The following CILK1 variants were observed in gnomAD, a reference collection of about 807,000 sequenced individuals.
CILK1 encodes ciliogenesis associated kinase 1.
A neutral mutation model predicts 79.2 loss-of-function variants in CILK1; 47 were observed. That is an observed-to-expected ratio of 0.59 (90% CI 0.47 to 0.76). The LOEUF (loss-of-function observed/expected upper bound fraction) is 0.76. Among genes scored for constraint, CILK1 ranks in the 30% least tolerant of loss-of-function variants. The pLI is 0.00. For synonymous variants in CILK1, 266 were observed against 275.9 expected (o/e 0.96, Z 0.36); for missense variants, 660 against 769.5 (o/e 0.86, Z 1.68).
rs1336600593 is a variant in CILK1, at chr6:53,051,211, CTTG to C, written c.-172-9806_-172-9804del. Among the ~76,000 whole-genome samples the C allele has an allele frequency of 2.0e-5, 3 of 152,182 alleles. No individual in the cohort carries two copies. The East Asian group carries it at 5.8e-4, about 29-fold the overall frequency. On this transcript the variant is annotated intron_variant, in intron 1 of 13. Transcript: ENST00000676107. ...AATTTCTAAACTACAGCTAATTTTT[CTTG>C]TTAAGGACATGTCACTTATCCATAT...
At chr6:53,020,482 C>T (rs529864923) in intron 5 of CILK1, among the ~76,000 whole-genome samples, 112 of 152,298 alleles carry the variant, frequency 7.4e-4, no homozygotes, top group African/African-American at 2.6e-3. Context: ...TCTGAAAATT[C>T]AAAATCTGAG....
chr6:53,012,793 A>G (rs536079403), intron 9 of CILK1, among the ~76,000 whole-genome samples: 57 of 152,312 alleles, frequency 3.7e-4, no homozygotes, highest in Admixed American at 1.8e-3. Context: ...GTTGGGAGCC[A>G]GCAGTCAGCA....
intron 11 of CILK1, among the ~76,000 whole-genome samples, chr6:53,011,061 A>G (rs768667324): frequency 5.3e-5 from 8 of 152,198 alleles, no homozygotes; most frequent in Admixed American, 2.0e-4. Context: ...GAATATAGAA[A>G]ATCAGGAGAG....
At chr6:53,028,321 T>C (rs1765711226) in intron 5 of CILK1, among the ~76,000 whole-genome samples, 1 of 152,116 alleles carries the variant, frequency 6.6e-6, no homozygotes, top group South Asian at 2.1e-4. Context: ...AATTAGTCTC[T>C]ATACCACTTA....
At chr6:53,045,762 T>C (rs1358793531) in intron 1 of CILK1, among the ~76,000 whole-genome samples, 2 of 112,812 alleles carry the variant, frequency 1.8e-5, no homozygotes, top group Non-Finnish European at 3.4e-5. Context: ...AAATTAAGAC[T>C]CCCAAACCAT....
intron 1 of CILK1, among the ~76,000 whole-genome samples, chr6:53,042,689 T>A (rs988801617): frequency 6.6e-6 from 1 of 152,226 alleles, no homozygotes; most frequent in South Asian, 2.1e-4. Context: ...GTAAAGTGAC[T>A]AGTATTCCTA....
chr6:53,009,722 T>G (rs1294581615), intron 11 of CILK1, among the ~76,000 whole-genome samples, 155 bp from the exon 12 acceptor site: 1 of 152,244 alleles, frequency 6.6e-6, no homozygotes, highest in Non-Finnish European at 1.5e-5. Context: ...ATCTGACAGA[T>G]GTCCGAGGAA....
At chr6:53,044,555 C>T (rs1379690118) in intron 1 of CILK1, among the ~76,000 whole-genome samples, 2 of 152,046 alleles carry the variant, frequency 1.3e-5, no homozygotes, top group Non-Finnish European at 2.9e-5. Flanking sequence ...GTGGGTAGAA[C>T]AAAAATTTTG....
At chr6:53,032,465 A>C in intron 4 of CILK1, 68 bp downstream of exon 4, 1 of 1,078,606 alleles carries the variant, frequency 9.3e-7, no homozygotes, top group Non-Finnish European at 1.2e-6. Flanking sequence ...AAAACACAAA[A>C]GCAGAAAGAA....
At chr6:53,043,915 T>C (rs1581749501) in intron 1 of CILK1, among the ~76,000 whole-genome samples, 4 of 151,882 alleles carry the variant, frequency 2.6e-5, no homozygotes, top group African/African-American at 9.7e-5. Context: ...CATAAAAGAT[T>C]GTCTTAAAAA....
At chr6:53,059,689 G>A (rs1768253403) in intron 1 of CILK1, among the ~76,000 whole-genome samples, 1 of 152,186 alleles carries the variant, frequency 6.6e-6, no homozygotes, top group Non-Finnish European at 1.5e-5. Flanking sequence ...ATTTTAGATA[G>A]GAAGGGAAAG....
intron 5 of CILK1, among the ~76,000 whole-genome samples, chr6:53,025,615 TGGG>T (rs1429311410): frequency 1.3e-5 from 2 of 152,212 alleles, no homozygotes; most frequent in Non-Finnish European, 2.9e-5. Context: ...TCTCTTTTTA[TGGG>T]CCCTACTTCA....
At chr6:53,027,507 C>A (rs954884144) in intron 5 of CILK1, among the ~76,000 whole-genome samples, 2 of 152,148 alleles carry the variant, frequency 1.3e-5, no homozygotes, top group Non-Finnish European at 2.9e-5. Flanking sequence ...GAGAAGTCTA[C>A]CCCCCAGAGG....
chr6:53,006,748 A>ACTATT (rs1424855073), intron 12 of CILK1, among the ~76,000 whole-genome samples: 1 of 152,208 alleles, frequency 6.6e-6, no homozygotes, highest in Non-Finnish European at 1.5e-5. Flanking sequence ...GTAGATTTAG[A>ACTATT]CTATTCTAAA....
Position 53,041,161 on chromosome 6 carries a change from A to C in CILK1, c.76T>G (p.Ser26Ala). Reference protein sequence around the residue: ...GSVLLGRSIESGELIAIKKMK... With the variant: ...GSVLLGRSIEAGELIAIKKMK... ...TTTTTAATAGCGATCAGCTCCCCAG[A>C]CTCAATGCTTCTTCCCAGCAGGACG... The change falls in exon 2 of 14, where the codon TCT becomes GCT. Residue 26 changes from serine to alanine, a missense_variant. By Grantham distance (99) the Ser-to-Ala change is moderately conservative. Transcript: ENST00000676107. 1 of 1,613,438 alleles carries C rather than the reference A, an allele frequency of 6.2e-7. No individual in the cohort carries two copies. Among genetic ancestry groups the C allele is most frequent in the Non-Finnish European group, 8.5e-7 (1 of 1,179,478 alleles).
At chr6:53,015,865 T>A (rs1764858890) in intron 8 of CILK1, among the ~76,000 whole-genome samples, 1 of 152,248 alleles carries the variant, frequency 6.6e-6, no homozygotes, top group Non-Finnish European at 1.5e-5. Context: ...GTGAATTACA[T>A]GCCAATTTTC....
intron 1 of CILK1, among the ~76,000 whole-genome samples, chr6:53,060,709 A>G (rs1312290289): frequency 1.3e-5 from 2 of 152,354 alleles, no homozygotes; most frequent in African/African-American, 4.8e-5. Context: ...CAAATGATTG[A>G]GACACAAATT....
intron 8 of CILK1, among the ~76,000 whole-genome samples, chr6:53,014,935 C>T (rs531487505): frequency 6.6e-6 from 1 of 152,328 alleles, no homozygotes; most frequent in East Asian, 1.9e-4. Context: ...CCAAAAGCTT[C>T]TTTTCTGCCC....
chr6:53,026,223 G>A (rs903117623), intron 5 of CILK1, among the ~76,000 whole-genome samples: 21 of 152,284 alleles, frequency 1.4e-4, no homozygotes, highest in African/African-American at 4.8e-4. Context: ...GGAGTACAGT[G>A]GTGCCATCTC....
Sources: gnomAD v4.1 joint callset for allele counts (sites outside exome capture counted in the v4.1 genomes callset) on GRCh38, gnomAD v4.1.1 for gene constraint, MANE v1.5 for transcripts, NCBI Gene and HGNC (gene_info 2026-07-23, HGNC 2026-07-21) for gene names.